ANKS1A: variants seen among roughly 807,000 people sequenced by gnomAD.
The protein encoded by ANKS1A is ankyrin repeat and sterile alpha motif domain containing 1A, also known as ankyrin repeat and SAM domain-containing protein 1A.
Under a neutral mutation model 120.3 loss-of-function variants are expected in ANKS1A, and 55 were observed. That is an observed-to-expected ratio of 0.46 (90% confidence interval 0.37 to 0.57). ANKS1A has a LOEUF of 0.57. Among genes scored for constraint, ANKS1A ranks in the 20% least tolerant of loss-of-function variants. The pLI is 0.00. For missense variants in ANKS1A, 1,123 were observed against 1,480.3 expected (o/e 0.76, Z 3.96); for synonymous variants, 590 against 604.7 (o/e 0.98, Z 0.36).
intron 1 of ANKS1A, among the ~76,000 whole-genome samples, chr6:34,896,267 A>G (rs930614918): frequency 7.9e-5 from 12 of 151,788 alleles, no homozygotes; most frequent in African/African-American, 2.9e-4. Flanking sequence ...CAGGGGTTTC[A>G]CTATGTTGGC....
chr6:35,005,654 CA>C (rs1402163196), intron 10 of ANKS1A: 1 of 418,422 alleles, frequency 2.4e-6, no homozygotes, highest in East Asian at 7.2e-5. Context: ...GTAAAGAAAC[CA>C]AAAGGAGAGA....
Position 34,901,188 on chromosome 6 carries a change from G to A in ANKS1A, c.197+11589G>A, listed in dbSNP as rs1356119265. Among the ~76,000 whole-genome samples the A allele has an allele frequency of 5.3e-5, 8 of 151,732 alleles. No individual in the cohort carries two copies. In the East Asian group the frequency reaches 5.8e-4, roughly 11 times the overall value. On this transcript the variant is annotated intron_variant, in intron 1 of 23. Coordinates refer to ENST00000360359, the MANE Select transcript of ANKS1A (RefSeq NM_015245.3). ...TCTAAACAATTGGCAAGAACCAAAA[G>A]CCTGTGTATTTGAAGTTATTTCCAA...
intron 10 of ANKS1A, among the ~76,000 whole-genome samples, chr6:35,008,348 G>A (rs746951951): frequency 6.6e-6 from 1 of 152,008 alleles, no homozygotes; most frequent in Non-Finnish European, 1.5e-5. Flanking sequence ...CCCCTGAATA[G>A]CTAGACTAAA....
intron 1 of ANKS1A, among the ~76,000 whole-genome samples, chr6:34,913,881 C>G (rs535739084): frequency 1.2e-3 from 187 of 152,158 alleles, no homozygotes; most frequent in African/African-American, 4.4e-3. Context: ...TCACAAAGTG[C>G]TGGGATTACA....
chr6:34,914,554 T>C (rs1284066283), intron 1 of ANKS1A, among the ~76,000 whole-genome samples: 1 of 152,202 alleles, frequency 6.6e-6, no homozygotes, highest in Non-Finnish European at 1.5e-5. Context: ...GAAACAGTTT[T>C]GAAAATTCTT....
At chr6:35,064,861 G>A (rs190393742) in intron 13 of ANKS1A, among the ~76,000 whole-genome samples, 19 of 151,898 alleles carry the variant, frequency 1.3e-4, no homozygotes, top group Non-Finnish European at 1.2e-4. Context: ...GGAGTTTTCT[G>A]CCCAGTTGAA....
chr6:34,930,072 C>T (rs745937358), intron 1 of ANKS1A, among the ~76,000 whole-genome samples: 26 of 152,060 alleles, frequency 1.7e-4, no homozygotes, highest in South Asian at 2.1e-4. Flanking sequence ...TCCAGAAGAT[C>T]GTTTTACTAA....
intron 11 of ANKS1A, among the ~76,000 whole-genome samples, chr6:35,045,779 G>A (rs1024047410): frequency 6.6e-6 from 1 of 152,194 alleles, no homozygotes; most frequent in African/African-American, 2.4e-5. Context: ...AGGAGGGACT[G>A]GATCACCAGG....
chr6:34,977,657 G>T (rs966225482), intron 3 of ANKS1A, among the ~76,000 whole-genome samples: 7 of 150,586 alleles, frequency 4.6e-5, no homozygotes, highest in African/African-American at 1.5e-4. Flanking sequence ...ATTTTTTTTT[G>T]GATCAGAGTT....
In ANKS1A at chr6:34,981,787, G is replaced by A. The variant is rs527425948; in HGVS notation, c.533G>A (p.Arg178His). Residue 178 changes from arginine (R) to histidine (H), a missense_variant, in exon 4 of 24, where the codon CGC (arginine) becomes CAC (histidine). Arg to His is a conservative substitution (Grantham distance 29). Coordinates refer to ENST00000360359, the MANE Select transcript of ANKS1A (RefSeq NM_015245.3). Reference protein sequence around the residue: ...LLEELTDPTMRNNKFETPLDL... With the variant: ...LLEELTDPTMHNNKFETPLDL... The stretch of plus-strand genomic sequence containing the variant: ...GAGGAGCTGACGGACCCCACCATGC[G>A]CAACAACAAATTCGAGACCCCTTTG... The A allele has an allele frequency of 6.2e-7, 1 of 1,614,126 alleles. No individual in the cohort carries two copies. Among genetic ancestry groups the A allele is most frequent in the Non-Finnish European group, 8.5e-7 (1 of 1,180,026 alleles).
intron 12 of ANKS1A, among the ~76,000 whole-genome samples, chr6:35,055,464 G>A (rs1776177543): frequency 6.6e-6 from 1 of 152,008 alleles, no homozygotes; most frequent in Non-Finnish European, 1.5e-5. Context: ...TGAGTAGCTG[G>A]GATTACAGGC....
intron 1 of ANKS1A, among the ~76,000 whole-genome samples, chr6:34,949,650 A>G (rs1046519903): frequency 6.6e-6 from 1 of 152,216 alleles, no homozygotes; most frequent in African/African-American, 2.4e-5. Flanking sequence ...AAATTGACTC[A>G]TTGACTTCCC....
chr6:34,928,174 TGGAGATTGG>T lies in ANKS1A; in HGVS notation c.197+38577_197+38585del, dbSNP rs367805367. ...TCATAAGGAAGCCTGTAAATCTTGA[TGGAGATTGG>T]GAATATTGTCTTCCCATCTCTGTAT... On this transcript the variant is annotated intron_variant, in intron 1 of 23. Coordinates refer to ENST00000360359, the MANE Select transcript of ANKS1A (RefSeq NM_015245.3). Among the ~76,000 whole-genome samples the T allele has an allele frequency of 1.6e-3, 238 of 152,364 alleles. 2 individuals carry two copies. The highest frequency in any genetic ancestry group is 4.3e-3 in the South Asian group (21 of 4,830).
At chr6:34,985,046 C>CT (rs1772112050) in intron 7 of ANKS1A, 36 bp from the exon 8 acceptor site, 1 of 1,587,276 alleles carries the variant, frequency 6.3e-7, no homozygotes, top group African/African-American at 1.3e-5. Flanking sequence ...TTCTGCTCCC[C>CT]TTCAGTGACT....
chr6:34,934,573 A>T (rs1380680752), intron 1 of ANKS1A, among the ~76,000 whole-genome samples: 1 of 152,224 alleles, frequency 6.6e-6, no homozygotes, highest in African/African-American at 2.4e-5. Context: ...TCTGGTTATT[A>T]TCAGTTTTCT....
intron 1 of ANKS1A, among the ~76,000 whole-genome samples, chr6:34,903,333 A>G (rs913933438): frequency 4.6e-5 from 7 of 151,444 alleles, no homozygotes; most frequent in African/African-American, 1.7e-4. Flanking sequence ...CAGGCAAATC[A>G]TCATGTAGAA....
intron 1 of ANKS1A, among the ~76,000 whole-genome samples, chr6:34,916,727 G>A (rs1415656555): frequency 1.3e-5 from 2 of 152,146 alleles, no homozygotes; most frequent in Non-Finnish European, 2.9e-5. Flanking sequence ...CTTCTGTGTA[G>A]GATTTGTAAT....
chr6:35,096,495 T>G, the ANKS1A span, among the ~76,000 whole-genome samples: 1 of 152,234 alleles, frequency 6.6e-6, no homozygotes, highest in African/African-American at 2.4e-5. Flanking sequence ...GGGTTAAAAG[T>G]ATTGTGAACA....
intron 7 of ANKS1A, among the ~76,000 whole-genome samples, chr6:34,984,745 A>T (rs1772093094): frequency 6.6e-6 from 1 of 152,098 alleles, no homozygotes; most frequent in African/African-American, 2.4e-5. Context: ...AGGGTAACTT[A>T]AGTTTTTCAG....
Sources: allele counts gnomAD v4.1 joint callset (sites outside exome capture counted in the v4.1 genomes callset), GRCh38; gene constraint gnomAD v4.1.1; transcripts MANE v1.5; gene names NCBI Gene and HGNC (gene_info 2026-07-23, HGNC 2026-07-21).